Variants in DSCC1 observed in about 807,000 individuals in gnomAD.
The protein encoded by DSCC1 is DNA replication and sister chromatid cohesion 1.
Under a neutral mutation model 48.2 loss-of-function variants are expected in DSCC1, and 32 were observed. The ratio of observed to expected loss-of-function variants is 0.66; its 90% CI spans 0.50 to 0.89. The LOEUF is 0.89. Ranked by LOEUF, DSCC1 falls within the 40% of genes least tolerant of loss-of-function variation. The pLI is 0.00. For missense variants in DSCC1, 421 were observed against 471.7 expected (o/e 0.89, Z 1.00); for synonymous variants, 150 against 171.5 (o/e 0.87, Z 0.98).
At chr8:119,847,978 GTTTT>G (rs1279175990) in intron 3 of DSCC1, among the ~76,000 whole-genome samples, 1 of 147,956 alleles carries the variant, frequency 6.8e-6, no homozygotes, top group African/African-American at 2.5e-5. Flanking sequence ...TTTTGTTTTT[GTTTT>G]TGTTTTTTTT....
chr8:119,836,378 A>G (rs1826683507), intron 8 of DSCC1, among the ~76,000 whole-genome samples: 1 of 152,220 alleles, frequency 6.6e-6, no homozygotes, highest in East Asian at 1.9e-4. Flanking sequence ...TGGAGGTCTC[A>G]TTATATTGTC....
rs909653860 is a variant in DSCC1 at position 119,841,687 on chromosome 8, G to C, written c.924+107C>G. ...ATTGGATGTACATGCACTCCTAATGGGTGTCTAAGAAAAGAAATTGGTTCC... is the reference window on the plus strand; with the variant it reads ...ATTGGATGTACATGCACTCCTAATGCGTGTCTAAGAAAAGAAATTGGTTCC... On this transcript the variant is annotated intron_variant, in intron 7 of 8. Coordinates refer to ENST00000313655, the MANE Select transcript of DSCC1 (RefSeq NM_024094.3). 10 of 1,243,444 alleles carry C rather than the reference G, an allele frequency of 8.0e-6. No individual in the cohort carries two copies. In the African/African-American group the frequency reaches 1.5e-4, roughly 18 times the overall value. The allele number at this position is 1,243,444 out of a possible 1,614,324, so 77.0% of individuals were successfully genotyped here. A position where few individuals can be genotyped will look rare whatever the true frequency, so the allele number is the denominator to read the frequency against.
chr8:119,838,212 C>T (rs1826714128), intron 8 of DSCC1, 47 bp downstream of exon 8: 1 of 1,499,896 alleles, frequency 6.7e-7, no homozygotes, highest in Non-Finnish European at 8.9e-7. Context: ...GTGCCATTGA[C>T]TATAAAAAGA....
chr8:119,854,854 G>A (rs1470327894), intron 1 of DSCC1, among the ~76,000 whole-genome samples: 2 of 152,132 alleles, frequency 1.3e-5, no homozygotes, highest in South Asian at 2.1e-4. Flanking sequence ...ACTCTTTGGT[G>A]GGCAAAGTAC....
chr8:119,835,117 G>C (rs1826660058), intron 8 of DSCC1, 116 bp from the exon 9 acceptor site: 1 of 692,576 alleles, frequency 1.4e-6, no homozygotes, highest in African/African-American at 1.9e-5. Context: ...ACAAGCGTAA[G>C]TGTAGGTGTT....
intron 3 of DSCC1, among the ~76,000 whole-genome samples, chr8:119,849,014 C>G (rs901468914): frequency 6.6e-6 from 1 of 151,966 alleles, no homozygotes; most frequent in African/African-American, 2.4e-5. Context: ...GAAACCCCGT[C>G]TCTACTAAAA....
At chr8:119,844,580 TTC>T (rs1407705354) in intron 4 of DSCC1, among the ~76,000 whole-genome samples, 16 of 151,520 alleles carry the variant, frequency 1.1e-4, no homozygotes, top group African/African-American at 3.4e-4. Context: ...CTCAAGTGCT[TTC>T]TTTTTTTTTT....
At chr8:119,842,075 A>G in intron 6 of DSCC1, 127 bp from the exon 7 acceptor site, 4 of 1,101,040 alleles carry the variant, frequency 3.6e-6, no homozygotes, top group South Asian at 1.7e-5. Flanking sequence ...CGACAACCCC[A>G]TAGTTCGTTT....
intron 3 of DSCC1, 142 bp from the exon 4 acceptor site, chr8:119,847,222 G>T (rs894190061): frequency 7.6e-6 from 5 of 658,526 alleles, no homozygotes; most frequent in South Asian, 4.0e-5. Context: ...AACATGTAAT[G>T]ATTTCTACAC....
chr8:119,834,060 A>G lies in DSCC1; in HGVS notation c.*833T>C, dbSNP rs1048559445. 1 of 152,268 alleles carries G rather than the reference A, an allele frequency of 6.6e-6. No homozygotes were observed. Among genetic ancestry groups the G allele is most frequent in the Admixed American group, 6.5e-5 (1 of 15,282 alleles). The allele number at this position is 152,268 out of a possible 1,614,324, so 9.4% of individuals were successfully genotyped here. A position where few individuals can be genotyped will look rare whatever the true frequency, so the allele number is the denominator to read the frequency against. On this transcript the variant is annotated 3_prime_UTR_variant, in exon 9 of 9. Coordinates refer to ENST00000313655, the MANE Select transcript of DSCC1 (RefSeq NM_024094.3). ...CATGACAATAAAACTTGTAAACTTC[A>G]GTAACAGTTAAACCTTCTTTAATTA...
chr8:119,841,382 G>T (rs1287168072), intron 7 of DSCC1, among the ~76,000 whole-genome samples: 1 of 152,144 alleles, frequency 6.6e-6, no homozygotes, highest in East Asian at 1.9e-4. Context: ...CATGCCCAGG[G>T]ATGCTATTGC....
intron 3 of DSCC1, among the ~76,000 whole-genome samples, chr8:119,847,643 T>C (rs1257041542): frequency 6.7e-6 from 1 of 149,098 alleles, no homozygotes; most frequent in African/African-American, 2.5e-5. Context: ...TTTAAAATGG[T>C]AAATTTTATT....
At chr8:119,845,960 A>G (rs1224767783) in intron 4 of DSCC1, among the ~76,000 whole-genome samples, 2 of 152,072 alleles carry the variant, frequency 1.3e-5, no homozygotes, top group African/African-American at 4.8e-5. Flanking sequence ...AAGAAAAAAA[A>G]TTAATTTTGC....
intron 2 of DSCC1, among the ~76,000 whole-genome samples, 196 bp from the exon 3 acceptor site, chr8:119,850,712 C>T (rs1826931527): frequency 6.6e-6 from 1 of 152,096 alleles, no homozygotes; most frequent in South Asian, 2.1e-4. Flanking sequence ...TTCAAATCCC[C>T]TTAATAAGAT....
intron 6 of DSCC1, 84 bp downstream of exon 6, chr8:119,842,692 C>T: frequency 7.6e-7 from 1 of 1,320,530 alleles, no homozygotes; most frequent in Non-Finnish European, 1.1e-6. Flanking sequence ...AGCCAGAGTT[C>T]TTATTTTTAA....
chr8:119,842,696 T>G, intron 6 of DSCC1, 80 bp downstream of exon 6: 3 of 1,372,742 alleles, frequency 2.2e-6, no homozygotes, highest in Non-Finnish European at 3.1e-6. Flanking sequence ...AGAGTTCTTA[T>G]TTTTAACACC....
chr8:119,843,820 A>G (rs1346263252), intron 4 of DSCC1, 73 bp from the exon 5 acceptor site: 2 of 1,474,984 alleles, frequency 1.4e-6, no homozygotes, highest in East Asian at 2.3e-5. Context: ...TCTGTCACCC[A>G]AGCTGGAGTT....
At chr8:119,846,677 GCCTC>G (rs10563348) in intron 4 of DSCC1, among the ~76,000 whole-genome samples, 110,347 of 151,694 alleles carry the variant, frequency 0.73, 41,377 homozygotes, top group African/African-American at 0.9. Context: ...TCGTACCTCA[GCCTC>G]CCTCCCTAGT....
chr8:119,838,359 G>A lies in DSCC1; in HGVS notation c.973C>T (p.Leu325=), dbSNP rs1001714805. Residue 325 remains leucine, a synonymous_variant, in exon 8 of 9, where the codon CTG becomes TTG. Coordinates refer to ENST00000313655, the MANE Select transcript of DSCC1 (RefSeq NM_024094.3). ...TCCTCAGGTAAATCATCTACTTTCA[G>A]CAAAAATATGATTTCTGGTCTCGAG... ...RHSRPEIIFL[L]KVDDLPEDNQ... is the part of the protein sequence containing the mutation. The A allele has an allele frequency of 2.5e-6, 4 of 1,608,148 alleles. No homozygotes were observed. The highest frequency in any genetic ancestry group is 1.6e-4 in the Middle Eastern group (1 of 6,064).
Sources: gnomAD v4.1 joint callset for allele counts (sites outside exome capture counted in the v4.1 genomes callset) on GRCh38, gnomAD v4.1.1 for gene constraint, MANE v1.5 for transcripts, NCBI Gene and HGNC (gene_info 2026-07-23, HGNC 2026-07-21) for gene names.